PTPRT: variants seen among roughly 807,000 people sequenced by gnomAD.
PTPRT encodes receptor-type tyrosine-protein phosphatase T.
PTPRT carries 56 observed loss-of-function variants against 176.8 expected under a neutral mutation model. That is an observed-to-expected ratio of 0.32 (90% CI 0.26 to 0.40). The LOEUF is 0.40. PTPRT is among the 10% of genes least tolerant of loss of function. The pLI is 1.00. For missense variants in PTPRT, 1,540 were observed against 1,908.2 expected, an observed-to-expected ratio of 0.81 and a Z score of 3.60; for synonymous variants, 783 against 739.0, an observed-to-expected ratio of 1.06 and a Z score of -0.96.
chr20:42,539,279 G>C (rs1404761331), intron 7 of PTPRT, among the ~76,000 whole-genome samples: 1 of 152,038 alleles, frequency 6.6e-6, no homozygotes, highest in Non-Finnish European at 1.5e-5. Context: ...TGAATCACCA[G>C]GGAATTATGT....
At chr20:42,985,380 A>T (rs565107402) in intron 1 of PTPRT, among the ~76,000 whole-genome samples, 1 of 152,266 alleles carries the variant, frequency 6.6e-6, no homozygotes, top group Admixed American at 6.5e-5. Context: ...CTGTAATCCC[A>T]GCTACTCGGG....
At chr20:42,316,988 G>A (rs1001248802) in intron 11 of PTPRT, among the ~76,000 whole-genome samples, 2 of 152,198 alleles carry the variant, frequency 1.3e-5, no homozygotes, top group Non-Finnish European at 2.9e-5. Flanking sequence ...CTTTTACAAA[G>A]TAGGCATTGT....
intron 1 of PTPRT, among the ~76,000 whole-genome samples, chr20:43,109,834 G>T (rs1450321867): frequency 6.6e-6 from 1 of 152,150 alleles, no homozygotes; most frequent in Non-Finnish European, 1.5e-5. Flanking sequence ...TATGTGCAAA[G>T]GTCCTGGGGC....
At chr20:42,530,985 A>G (rs1196650363) in intron 7 of PTPRT, among the ~76,000 whole-genome samples, 1 of 152,206 alleles carries the variant, frequency 6.6e-6, no homozygotes, top group African/African-American at 2.4e-5. Context: ...TTAACAGAGA[A>G]GCAAACGACA....
At chr20:42,070,117 C>G (rs1176081221), downstream of PTPRT, among the ~76,000 whole-genome samples, 2 of 151,914 alleles carry the variant, frequency 1.3e-5, no homozygotes, top group African/African-American at 4.8e-5. Context: ...TGCTTCTATT[C>G]CTGTTCTTTT....
Position 42,975,754 on chromosome 20 carries a change from G to A in PTPRT, c.89-89822C>T, listed in dbSNP as rs548744482. On this transcript the variant is annotated intron_variant, in intron 1 of 30. Coordinates refer to ENST00000373187, the MANE Select transcript of PTPRT (RefSeq NM_007050.6). ...GGAAATCTGGCAGTCTAGCCGTTAC[G>A]TAGAAATCCCAAGGCAATCAGCAAA... Among the ~76,000 whole-genome samples the A allele has an allele frequency of 5.3e-5, 8 of 152,172 alleles. No individual in the cohort carries two copies. In the East Asian group the frequency reaches 5.8e-4, roughly 11 times the overall value.
intron 7 of PTPRT, among the ~76,000 whole-genome samples, chr20:42,555,522 C>CT (rs2072845502): frequency 6.6e-6 from 1 of 152,176 alleles, no homozygotes; most frequent in Non-Finnish European, 1.5e-5. Context: ...ATAGGGAAGT[C>CT]AGGGAAGTTG....
At position 43,189,042 on chromosome 20, in the gene PTPRT, C is replaced by G. The variant is rs982554632; in HGVS notation, c.88+604G>C. Among the ~76,000 whole-genome samples the G allele has an allele frequency of 6.6e-6, 1 of 152,234 alleles. No individual in the cohort carries two copies. The highest frequency in any genetic ancestry group is 2.4e-5 in the African/African-American group (1 of 41,470). On this transcript the variant is annotated intron_variant, in intron 1 of 30. Coordinates refer to ENST00000373187, the MANE Select transcript of PTPRT (RefSeq NM_007050.6). The surrounding 1 kb of genome is among the most constrained non-coding windows in gnomAD (Gnocchi z 5.0). ...GCGCCCAGCTACCTCGGAGAAAAGCCAGCGGGTAGGGCGGAGGTATTGCTC... is the reference window on the plus strand; with the variant it reads ...GCGCCCAGCTACCTCGGAGAAAAGCGAGCGGGTAGGGCGGAGGTATTGCTC...
At chr20:43,062,520 G>A (rs192329201) in intron 1 of PTPRT, among the ~76,000 whole-genome samples, 16 of 152,260 alleles carry the variant, frequency 1.1e-4, no homozygotes, top group East Asian at 5.8e-4. Flanking sequence ...ACTTCACTTC[G>A]CTGGGAGATC....
At position 42,095,635 on chromosome 20, in the gene PTPRT, C is replaced by T. The variant is rs571145166; in HGVS notation, c.3846+2786G>A. Among the ~76,000 whole-genome samples, 10 of 152,340 alleles carry T rather than the reference C, an allele frequency of 6.6e-5. No individual in the cohort carries two copies. In the South Asian group the frequency reaches 2.1e-3, roughly 32 times the overall value. On this transcript the variant is annotated intron_variant, in intron 27 of 30. Coordinates refer to ENST00000373187, the MANE Select transcript of PTPRT (RefSeq NM_007050.6). ...CTTTACTACCCTGCCTTCTTGTTTG[C>T]CTTTTTCCAAACACTCGTGTCAGCC...
chr20:42,993,875 A>T (rs1984086530), intron 1 of PTPRT, among the ~76,000 whole-genome samples: 1 of 151,990 alleles, frequency 6.6e-6, no homozygotes, highest in Non-Finnish European at 1.5e-5. Context: ...CGAAATAACC[A>T]ATTTATGCGA....
chr20:43,014,077 C>T (rs1985260931), intron 1 of PTPRT, among the ~76,000 whole-genome samples: 1 of 152,128 alleles, frequency 6.6e-6, no homozygotes, highest in Admixed American at 6.5e-5. Context: ...CCGTCAAGTA[C>T]TTGGTGGAGA....
chr20:42,719,240 C>A (rs1455867676), intron 6 of PTPRT, among the ~76,000 whole-genome samples: 1 of 152,114 alleles, frequency 6.6e-6, no homozygotes, highest in African/African-American at 2.4e-5. Flanking sequence ...GAGTCATCAG[C>A]CTCCCTGGTC....
chr20:43,094,490 C>A (rs1174813380), intron 1 of PTPRT, among the ~76,000 whole-genome samples: 1 of 149,080 alleles, frequency 6.7e-6, no homozygotes. Context: ...CCTCCACCTC[C>A]CAGGTTCAAG....
intron 6 of PTPRT, among the ~76,000 whole-genome samples, chr20:42,749,376 G>A (rs545393985): frequency 1.3e-5 from 2 of 152,254 alleles, no homozygotes; most frequent in African/African-American, 2.4e-5. Flanking sequence ...GGGGCCAGTC[G>A]GAGAGGCTAT....
intron 2 of PTPRT, among the ~76,000 whole-genome samples, chr20:42,865,490 A>G (rs886120011): frequency 1.3e-5 from 2 of 152,228 alleles, no homozygotes; most frequent in Non-Finnish European, 2.9e-5. Context: ...AGCTGAGGAC[A>G]CATAGCTGTG....
chr20:42,766,360 C>T (rs2076982787), intron 5 of PTPRT, among the ~76,000 whole-genome samples: 1 of 152,182 alleles, frequency 6.6e-6, no homozygotes, highest in Non-Finnish European at 1.5e-5. Flanking sequence ...ACAAGAAGAA[C>T]CTGCTTATAA....
intron 1 of PTPRT, among the ~76,000 whole-genome samples, chr20:43,027,551 CAGAGAG>C (rs757936526): frequency 6.6e-6 from 1 of 151,530 alleles, no homozygotes; most frequent in Non-Finnish European, 1.5e-5. Flanking sequence ...GAAATTTGGA[CAGAGAG>C]AGAGACAGCA....
intron 16 of PTPRT, among the ~76,000 whole-genome samples, chr20:42,165,210 T>C (rs576732700): frequency 3.3e-5 from 5 of 152,288 alleles, no homozygotes; most frequent in African/African-American, 1.2e-4. Flanking sequence ...ACCAGCCATA[T>C]AGATCTCCCT....
Sources: allele counts gnomAD v4.1 joint callset (sites outside exome capture counted in the v4.1 genomes callset), GRCh38; gene constraint gnomAD v4.1.1; non-coding constraint Gnocchi (gnomAD v3.1); transcripts MANE v1.5; gene names NCBI Gene and HGNC (gene_info 2026-07-23, HGNC 2026-07-21).